The following HTR2C variants were observed in gnomAD, a reference collection of about 807,000 sequenced individuals.
The protein encoded by HTR2C is 5-hydroxytryptamine (serotonin) receptor 2C, G protein-coupled.
A neutral mutation model predicts 21.0 loss-of-function variants in HTR2C; 5 were observed. The ratio of observed to expected loss-of-function variants is 0.24; its 90% confidence interval spans 0.12 to 0.50. The LOEUF is 0.50. Among genes scored for constraint, HTR2C ranks in the 20% least tolerant of loss-of-function variants. HTR2C has a pLI of 0.98. For synonymous variants in HTR2C, 150 were observed against 145.3 expected, an observed-to-expected ratio of 1.03 and a Z score of -0.23; for missense variants, 271 against 371.2, an observed-to-expected ratio of 0.73 and a Z score of 2.22.
chrX:114,726,386 C>T (rs113765939), intron 2 of HTR2C, among the ~76,000 whole-genome samples: 2 of 112,090 alleles, frequency 1.8e-5, no homozygotes, highest in African/African-American at 6.5e-5. Context: ...GCGCACGGTG[C>T]GTGCACCCAC....
chrX:114,789,055 A>G (rs1175355442), intron 4 of HTR2C, among the ~76,000 whole-genome samples: 4 of 112,295 alleles, frequency 3.6e-5, no homozygotes, highest in Admixed American at 9.5e-5. Context: ...AGTCTTTTCA[A>G]AGTAAACTGA....
At chrX:114,784,750 T>G (rs919500151) in intron 4 of HTR2C, among the ~76,000 whole-genome samples, 7 of 109,152 alleles carry the variant, frequency 6.4e-5, no homozygotes, top group African/African-American at 1.7e-4. Flanking sequence ...CTCCCGAGTA[T>G]CTGGGACTAC....
rs190924684 is a variant in HTR2C, at chrX:114,801,329, G to A, written c.350-46674G>A. 1.9e-3 allele frequency among the ~76,000 whole-genome samples: 217 copies of A among 111,548 alleles called. 2 individuals carry two copies. The highest frequency in any genetic ancestry group is 6.7e-3 in the African/African-American group (206 of 30,796). ...TTTACCTGGAATCTAAGGATAGAAAGAAATGCAACATCATTCATTAGTTGC... is the reference window on the plus strand; with the variant it reads ...TTTACCTGGAATCTAAGGATAGAAAAAAATGCAACATCATTCATTAGTTGC... On this transcript the variant is annotated intron_variant, in intron 4 of 5. Coordinates refer to ENST00000276198, the MANE Select transcript of HTR2C (RefSeq NM_000868.4).
intron 5 of HTR2C, among the ~76,000 whole-genome samples, chrX:114,863,060 A>G (rs1436075912): frequency 9.0e-6 from 1 of 111,682 alleles, no homozygotes; most frequent in Admixed American, 9.6e-5. Context: ...CAATTGTTGT[A>G]TATATCACAT....
chrX:114,831,886 G>A (rs1197370157), intron 4 of HTR2C, among the ~76,000 whole-genome samples: 1 of 90,426 alleles, frequency 1.1e-5, no homozygotes, highest in African/African-American at 4.0e-5. Context: ...TAAGGTGTAA[G>A]GAAGGGATCC....
At chrX:114,602,764 G>A in intron 1 of HTR2C, among the ~76,000 whole-genome samples, 1 of 31,676 alleles carries the variant, frequency 3.2e-5, no homozygotes, top group Non-Finnish European at 5.9e-5. Flanking sequence ...TAGACTAAGA[G>A]GTATTTTAGT....
chrX:114,677,149 A>C (rs782778293), intron 2 of HTR2C, among the ~76,000 whole-genome samples: 2 of 111,861 alleles, frequency 1.8e-5, no homozygotes, highest in African/African-American at 6.5e-5. Context: ...ATTTTGTTTA[A>C]GATCTAAAGA....
intron 2 of HTR2C, among the ~76,000 whole-genome samples, chrX:114,694,486 T>TAC (rs1482690948): frequency 2.0e-3 from 23 of 11,621 alleles, no homozygotes; most frequent in African/African-American, 5.9e-3. Context: ...TATATATATA[T>TAC]ATATATACAC....
At chrX:114,807,364 T>TATATCTATACCATATATATACGCC (rs1569496260) in intron 4 of HTR2C, among the ~76,000 whole-genome samples, 3 of 29,769 alleles carry the variant, frequency 1.0e-4, no homozygotes, top group Non-Finnish European at 1.9e-4. Flanking sequence ...ATATACACCA[T>TATATCTATACCATATATATACGCC]ATATCTATAC....
chrX:114,697,540 G>T (rs1386457075), intron 2 of HTR2C, among the ~76,000 whole-genome samples: 1 of 111,612 alleles, frequency 9.0e-6, no homozygotes, highest in African/African-American at 3.3e-5. Flanking sequence ...TATTTATTTA[G>T]GAGAATATGA....
At chrX:114,857,830 T>A (rs2070975389) in intron 5 of HTR2C, among the ~76,000 whole-genome samples, 2 of 111,083 alleles carry the variant, frequency 1.8e-5, no homozygotes, top group African/African-American at 6.5e-5. Context: ...TTCTTAAGTG[T>A]TTGATCATCT....
chrX:114,722,152 A>G (rs1345398356), intron 2 of HTR2C, among the ~76,000 whole-genome samples: 1 of 110,849 alleles, frequency 9.0e-6, no homozygotes, highest in African/African-American at 3.3e-5. Context: ...ACCTATGAGC[A>G]TAGAATGTTC....
chrX:114,638,149 T>C (rs1379418532), intron 2 of HTR2C, among the ~76,000 whole-genome samples: 1 of 111,728 alleles, frequency 9.0e-6, no homozygotes, highest in Non-Finnish European at 1.9e-5. Context: ...CTTAAAGAAT[T>C]TCAGAAACAG....
chrX:114,604,161 C>G (rs1556395928), intron 1 of HTR2C, among the ~76,000 whole-genome samples: 3 of 108,110 alleles, frequency 2.8e-5, no homozygotes, highest in African/African-American at 1.0e-4. Flanking sequence ...TGGGGGGATA[C>G]AAGAGGAGGA....
chrX:114,606,964 G>A (rs782271180), intron 1 of HTR2C, among the ~76,000 whole-genome samples: 28 of 108,892 alleles, frequency 2.6e-4, no homozygotes, highest in Middle Eastern at 4.6e-3. Flanking sequence ...CAGTCAAAGG[G>A]GGTTTGTTCT....
chrX:114,685,986 A>G (rs1931900844), intron 2 of HTR2C, among the ~76,000 whole-genome samples: 1 of 111,183 alleles, frequency 9.0e-6, no homozygotes, highest in African/African-American at 3.3e-5. Context: ...CATAATTACA[A>G]CCTCATACTC....
chrX:114,833,198 A>G (rs1556461912), intron 4 of HTR2C, among the ~76,000 whole-genome samples: 3 of 101,633 alleles, frequency 3.0e-5, no homozygotes, highest in African/African-American at 1.0e-4. Flanking sequence ...TTGGTATCAG[A>G]ATGATGCTGG....
chrX:114,827,332 A>G (rs1413709347), intron 4 of HTR2C, among the ~76,000 whole-genome samples: 1 of 111,065 alleles, frequency 9.0e-6, no homozygotes, highest in Non-Finnish European at 1.9e-5. Flanking sequence ...TTAATATTTT[A>G]TCACATCAAG....
At chrX:114,729,519 G>A (rs985502077) in intron 3 of HTR2C, among the ~76,000 whole-genome samples, 1 of 111,452 alleles carries the variant, frequency 9.0e-6, no homozygotes, top group Admixed American at 9.5e-5. Context: ...ACTTGCTTCT[G>A]TTTATTTGGT....
Sources: gnomAD v4.1 joint callset for allele counts (sites outside exome capture counted in the v4.1 genomes callset) on GRCh38, gnomAD v4.1.1 for gene constraint, MANE v1.5 for transcripts, NCBI Gene and HGNC (gene_info 2026-07-23, HGNC 2026-07-21) for gene names.